TMEM209: variants seen among roughly 807,000 people sequenced by gnomAD.
The protein encoded by TMEM209 is testicular tissue protein Li 202.
TMEM209 carries 65 observed loss-of-function variants against 76.2 expected under a neutral mutation model. That is an observed-to-expected ratio of 0.85 (90% confidence interval 0.70 to 1.05). The LOEUF is 1.05. Among genes scored for constraint, TMEM209 ranks in the 50% least tolerant of loss-of-function variants. The pLI is 0.00. For synonymous variants in TMEM209, 239 were observed against 237.6 expected, an observed-to-expected ratio of 1.01 and a Z score of -0.06; for missense variants, 623 against 685.5, an observed-to-expected ratio of 0.91 and a Z score of 1.02.
chr7:130,202,216 T>C, intron 4 of TMEM209, 125 bp from the exon 5 acceptor site: 1 of 1,265,308 alleles, frequency 7.9e-7, no homozygotes. Context: ...GGTTGTTAAA[T>C]CACAGAATGT....
At chr7:130,192,497 TA>T in intron 6 of TMEM209, 124 bp downstream of exon 6, 1 of 823,944 alleles carries the variant, frequency 1.2e-6, no homozygotes, top group Non-Finnish European at 1.9e-6. Context: ...ATGTTACATA[TA>T]AAGTAAAACA....
In TMEM209 at chr7:130,185,442, C is replaced by T. The variant is rs539360556; in HGVS notation, c.776-75G>A. ...TCTACAGTTAACACTTATATCTAGG[C>T]AATGGCAATCCAGGAATCAGAAGAC... On this transcript the variant is annotated intron_variant, in intron 6 of 14. Transcript: ENST00000397622. The T allele has an allele frequency of 1.9e-4, 246 of 1,286,782 alleles. 1 individual carries two copies. The South Asian group carries it at 2.6e-3, about 14-fold the overall frequency. 79.7% of individuals were successfully genotyped at this position (1,286,782 alleles called of 1,614,324 possible). A position where few individuals can be genotyped will look rare whatever the true frequency, so the allele number is the denominator to read the frequency against.
At chr7:130,187,265 TC>T (rs1377052357) in intron 6 of TMEM209, among the ~76,000 whole-genome samples, 1 of 145,944 alleles carries the variant, frequency 6.9e-6, no homozygotes, top group African/African-American at 2.5e-5. Context: ...AACCTCGATC[TC>T]AAAAAAAAAA....
rs746001064 is a variant in TMEM209 at position 130,202,055 on chromosome 7, G to A, written c.368C>T (p.Thr123Ile). ...GGAAGGTGGAGCGGGAGGGATTTGGGTTGCTGCCAGATCATGTGGAGGCGT... is the reference window on the plus strand; with the variant it reads ...GGAAGGTGGAGCGGGAGGGATTTGGATTGCTGCCAGATCATGTGGAGGCGT... ...QTTPPHDLAATQIPPAPPSPS... is the reference protein window; with the variant it reads ...QTTPPHDLAAIQIPPAPPSPS... The change falls in exon 5 of 15, where the codon ACC (threonine) becomes ATC (isoleucine). Residue 123 changes from threonine (T) to isoleucine (I), a missense_variant. Thr to Ile is a moderately conservative substitution (Grantham distance 89). Coordinates refer to ENST00000397622, the MANE Select transcript of TMEM209 (RefSeq NM_032842.4). The A allele has an allele frequency of 6.2e-7, 1 of 1,613,756 alleles. No individual in the cohort carries two copies. The highest frequency in any genetic ancestry group is 1.1e-5 in the South Asian group (1 of 91,076).
rs1429734948 is a variant in TMEM209 at position 130,173,623 on chromosome 7, T to C, written c.1557+9A>G. 6.3e-6 allele frequency: 10 copies of C among 1,598,206 alleles called. No individual in the cohort carries two copies. In the East Asian group the frequency reaches 6.7e-5, roughly 11 times the overall value. On this transcript the variant is annotated intron_variant, in intron 13 of 14. Transcript: ENST00000397622. The stretch of plus-strand genomic sequence containing the variant: ...ATTCTGTAACAGCATCTTCTCTATA[T>C]AGAAATACCTTTGGCAGGTTGTATA...
chr7:130,195,660 G>C (rs769618515), intron 5 of TMEM209, among the ~76,000 whole-genome samples: 15 of 150,968 alleles, frequency 9.9e-5, no homozygotes, highest in Non-Finnish European at 1.5e-4. Context: ...TAATTTCTGT[G>C]AATTCAAACC....
chr7:130,173,822 T>C lies in TMEM209; in HGVS notation c.1459+3A>G. On this transcript the variant is annotated splice_donor_region_variant and intron_variant, in intron 12 of 14. Transcript: ENST00000397622. ...AACACATTCTTTTAGGAGAGGTTTATACCTGGTTTATTTGGTGTCTGAACA... is the reference window on the plus strand; with the variant it reads ...AACACATTCTTTTAGGAGAGGTTTACACCTGGTTTATTTGGTGTCTGAACA... 11 of 1,612,946 alleles carry C rather than the reference T, an allele frequency of 6.8e-6. No homozygotes were observed. The highest frequency in any genetic ancestry group is 7.6e-6 in the Non-Finnish European group (9 of 1,178,930).
chr7:130,188,521 G>A (rs531593364), intron 6 of TMEM209, among the ~76,000 whole-genome samples: 13 of 148,592 alleles, frequency 8.7e-5, no homozygotes, highest in East Asian at 2.0e-4. Context: ...GCATGAACCC[G>A]GGAGGCGGAG....
chr7:130,175,841 T>TA (rs35333676), intron 10 of TMEM209, among the ~76,000 whole-genome samples: 1 of 152,032 alleles, frequency 6.6e-6, no homozygotes, highest in African/African-American at 2.4e-5. Flanking sequence ...TTTGGCTTCT[T>TA]AAAAAAAGAG....
intron 5 of TMEM209, 68 bp from the exon 6 acceptor site, chr7:130,192,891 C>A (rs1797848194): frequency 6.6e-7 from 1 of 1,510,754 alleles, no homozygotes. Flanking sequence ...TGGTTTTTGA[C>A]TTAAGTAAAA....
rs536594649 is a variant in TMEM209 at position 130,190,490 on chromosome 7, C to T, written c.775+2132G>A. Among the ~76,000 whole-genome samples, 45 of 150,856 alleles carry T rather than the reference C, an allele frequency of 3.0e-4. 1 individual carries two copies. The highest frequency in any genetic ancestry group is 1.6e-3 in the Admixed American group (24 of 15,136). ...CCGAGATCGCACCACTGCACTCCAG[C>T]CTGGGCGACAGAGCCAAGACTCCAT... On this transcript the variant is annotated intron_variant, in intron 6 of 14. Coordinates refer to ENST00000397622, the MANE Select transcript of TMEM209 (RefSeq NM_032842.4).
Position 130,184,203 on chromosome 7 carries a change from C to T in TMEM209, c.1004G>A (p.Trp335Ter). The change falls in exon 8 of 15, where the codon TGG becomes TAG. Residue 335 changes from tryptophan to a stop codon, truncating the protein, a stop_gained. Coordinates refer to ENST00000397622, the MANE Select transcript of TMEM209 (RefSeq NM_032842.4). LOFTEE classifies it high-confidence loss of function. ...NRQLLDHMDS[W>*]TAKFRNWINE... ...ACTTACATTTCTAAATTTAGCTGTC[C>T]ATGAATCCATATGATCAAGAAGTTG... 1 of 1,606,358 alleles carries T rather than the reference C, an allele frequency of 6.2e-7. No individual in the cohort carries two copies. The highest frequency in any genetic ancestry group is 8.5e-7 in the Non-Finnish European group (1 of 1,176,648).
chr7:130,186,071 G>A (rs1797588500), intron 6 of TMEM209, among the ~76,000 whole-genome samples: 1 of 152,010 alleles, frequency 6.6e-6, no homozygotes, highest in African/African-American at 2.4e-5. Flanking sequence ...TTTTTCCCTA[G>A]CATCTAGCAT....
Position 130,170,416 on chromosome 7 carries a change from C to G in TMEM209, c.1615G>C (p.Glu539Gln). 6.2e-7 allele frequency: 1 copy of G among 1,612,848 alleles called. No homozygotes were observed. The highest frequency in any genetic ancestry group is 1.1e-5 in the South Asian group (1 of 90,844). Reference protein sequence around the residue: ...LMFLYIIKTKESGMLGRVNLG... With the variant: ...LMFLYIIKTKQSGMLGRVNLG... ...AGTACCTACCCAAGCATTCCTGACT[C>G]TTTGGTCTTTATGATGTAGAGAAAC... is the stretch of plus-strand genomic sequence containing the variant. The change falls in exon 14 of 15, where the codon GAG becomes CAG. Residue 539 changes from glutamate (E) to glutamine (Q), a missense_variant. Transcript: ENST00000397622.
At chr7:130,185,428 C>CT (rs1797566014) in intron 6 of TMEM209, 61 bp from the exon 7 acceptor site, 1 of 1,462,542 alleles carries the variant, frequency 6.8e-7, no homozygotes, top group South Asian at 1.3e-5. Context: ...CTACAGTTAA[C>CT]ACTTATATCT....
chr7:130,190,357 A>C (rs532683246), intron 6 of TMEM209, among the ~76,000 whole-genome samples: 2 of 152,168 alleles, frequency 1.3e-5, no homozygotes, highest in Non-Finnish European at 2.9e-5. Context: ...GTCTCTACTA[A>C]AAATACAAAA....
intron 10 of TMEM209, among the ~76,000 whole-genome samples, chr7:130,176,649 A>G (rs952321695): frequency 2.0e-5 from 3 of 152,180 alleles, no homozygotes; most frequent in African/African-American, 4.8e-5. Context: ...GGGAACCACT[A>G]AAGACAAACA....
chr7:130,188,413 G>A (rs1407141642), intron 6 of TMEM209, among the ~76,000 whole-genome samples: 1 of 151,834 alleles, frequency 6.6e-6, no homozygotes, highest in East Asian at 1.9e-4. Context: ...TGGCTAACAT[G>A]GTGAAACCCC....
Position 130,197,157 on chromosome 7 carries a change from G to T in TMEM209, c.574-4334C>A, listed in dbSNP as rs1798014570. Among the ~76,000 whole-genome samples, 5 of 152,108 alleles carry T rather than the reference G, an allele frequency of 3.3e-5. No homozygotes were observed. The South Asian group carries it at 1.0e-3, about 32-fold the overall frequency. On this transcript the variant is annotated intron_variant, in intron 5 of 14. Transcript: ENST00000397622. The stretch of plus-strand genomic sequence containing the variant: ...GATATATACCCAGAACTGAAAGCAG[G>T]GACTCAAACAGATAAGCTGTACAGC...
Sources: allele counts gnomAD v4.1 joint callset (sites outside exome capture counted in the v4.1 genomes callset), GRCh38; gene constraint gnomAD v4.1.1; transcripts MANE v1.5; gene names NCBI Gene and HGNC (gene_info 2026-07-23, HGNC 2026-07-21).